RSPO2: variants seen among roughly 807,000 people sequenced by gnomAD.
The protein encoded by RSPO2 is R-spondin-2.
Under a neutral mutation model 30.9 loss-of-function variants are expected in RSPO2, and 14 were observed. The ratio of observed to expected loss-of-function variants is 0.45; its 90% confidence interval spans 0.30 to 0.71. The LOEUF is 0.71. Among genes scored for constraint, RSPO2 ranks in the 30% least tolerant of loss-of-function variants. The pLI, the probability that RSPO2 is intolerant of heterozygous loss-of-function variation, is 0.08. For synonymous variants in RSPO2, 107 were observed against 96.4 expected, an observed-to-expected ratio of 1.11 and a Z score of -0.64; for missense variants, 264 against 301.9, an observed-to-expected ratio of 0.87 and a Z score of 0.93.
At chr8:107,914,370 CA>C (rs35045125) in intron 5 of RSPO2, among the ~76,000 whole-genome samples, 2 of 150,746 alleles carry the variant, frequency 1.3e-5, no homozygotes, top group Admixed American at 6.6e-5. Context: ...ATAAGAGTTC[CA>C]AAAAATGAAA....
intron 5 of RSPO2, among the ~76,000 whole-genome samples, chr8:107,904,066 CA>C (rs1216042135): frequency 2.0e-5 from 3 of 151,848 alleles, no homozygotes; most frequent in African/African-American, 7.2e-5. Flanking sequence ...TTAAAGCTAA[CA>C]AAAAAATCCT....
chr8:107,917,304 G>A (rs1241874387), intron 5 of RSPO2, among the ~76,000 whole-genome samples: 2 of 152,048 alleles, frequency 1.3e-5, no homozygotes, highest in African/African-American at 4.8e-5. Context: ...GGCCAACATG[G>A]TGAAACCCCA....
intron 3 of RSPO2, among the ~76,000 whole-genome samples, chr8:107,970,574 A>G (rs1438654979): frequency 6.6e-6 from 1 of 152,234 alleles, no homozygotes; most frequent in Non-Finnish European, 1.5e-5. Flanking sequence ...CAAATATCAG[A>G]TAAGCATGAG....
intron 1 of RSPO2, 167 bp from the exon 2 acceptor site, chr8:108,082,974 C>T (rs911217982): frequency 7.1e-6 from 2 of 281,642 alleles, no homozygotes; most frequent in African/African-American, 2.2e-5. Flanking sequence ...CAGCTGCGGA[C>T]GAGTTGGAGA....
intron 5 of RSPO2, among the ~76,000 whole-genome samples, chr8:107,909,677 A>C (rs1408071023): frequency 6.6e-6 from 1 of 152,194 alleles, no homozygotes; most frequent in Non-Finnish European, 1.5e-5. Context: ...AAAGTCATTG[A>C]CCTCATCCTA....
At chr8:107,940,065 C>T (rs770311069) in intron 5 of RSPO2, among the ~76,000 whole-genome samples, 2 of 152,072 alleles carry the variant, frequency 1.3e-5, no homozygotes, top group Non-Finnish European at 2.9e-5. Context: ...ATTATACTAT[C>T]ATCATCAATT....
intron 5 of RSPO2, among the ~76,000 whole-genome samples, chr8:107,925,554 C>A (rs923260257): frequency 2.0e-5 from 3 of 151,974 alleles, no homozygotes; most frequent in Non-Finnish European, 4.4e-5. Flanking sequence ...TCCCTCCCCC[C>A]TCCTCCCACC....
At position 108,082,474 on chromosome 8, in the gene RSPO2, A is replaced by G. The variant is rs1813235851; in HGVS notation, c.94+71T>C. The G allele has an allele frequency of 5.0e-6, 6 of 1,204,994 alleles. No individual in the cohort carries two copies. The East Asian group carries it at 1.4e-4, about 28-fold the overall frequency. 74.6% of individuals were successfully genotyped at this position (1,204,994 alleles called of 1,614,324 possible). A position where few individuals can be genotyped will look rare whatever the true frequency, so the allele number is the denominator to read the frequency against. On this transcript the variant is annotated intron_variant, in intron 2 of 5. Transcript: ENST00000276659. ...CCTGACCATCTGAGCCCCCGGAGCC[A>G]GGGCGTGAGTGAGCGCCTCCACACG...
chr8:107,926,862 T>C (rs994560404), intron 5 of RSPO2, among the ~76,000 whole-genome samples: 1 of 152,220 alleles, frequency 6.6e-6, no homozygotes, highest in African/African-American at 2.4e-5. Flanking sequence ...TGGCTTAGGA[T>C]TGACTTAGCA....
intron 2 of RSPO2, among the ~76,000 whole-genome samples, chr8:107,989,764 T>C (rs551489310): frequency 3.3e-5 from 5 of 152,276 alleles, no homozygotes; most frequent in African/African-American, 1.2e-4. Flanking sequence ...AAATTATCAT[T>C]GTAGCATGGG....
intron 2 of RSPO2, among the ~76,000 whole-genome samples, chr8:108,012,236 T>G (rs1810730789): frequency 6.6e-6 from 1 of 152,236 alleles, no homozygotes; most frequent in South Asian, 2.1e-4. Context: ...CTTTAAAGTC[T>G]TGCTATACAA....
intron 5 of RSPO2, among the ~76,000 whole-genome samples, chr8:107,937,924 C>T (rs1812772339): frequency 6.6e-6 from 1 of 152,072 alleles, no homozygotes; most frequent in African/African-American, 2.4e-5. Context: ...TGCTCATATA[C>T]ACACACTGAA....
chr8:108,065,126 G>A (rs1367937317), intron 2 of RSPO2, among the ~76,000 whole-genome samples: 2 of 151,440 alleles, frequency 1.3e-5, no homozygotes, highest in Admixed American at 6.6e-5. Context: ...CATATGTAAC[G>A]AACCTGCGCA....
At chr8:108,063,871 G>A (rs925298634) in intron 2 of RSPO2, among the ~76,000 whole-genome samples, 3 of 152,100 alleles carry the variant, frequency 2.0e-5, no homozygotes, top group Admixed American at 6.6e-5. Flanking sequence ...CAGAAATAAT[G>A]CCACACATCT....
intron 3 of RSPO2, among the ~76,000 whole-genome samples, chr8:107,985,368 ATAGAAC>A (rs1814586935): frequency 6.6e-6 from 1 of 152,204 alleles, no homozygotes; most frequent in Non-Finnish European, 1.5e-5. Context: ...GATATTTTTC[ATAGAAC>A]TGCTTATAAT....
At chr8:107,956,547 A>G (rs1322372646) in intron 5 of RSPO2, among the ~76,000 whole-genome samples, 1 of 152,232 alleles carries the variant, frequency 6.6e-6, no homozygotes, top group Non-Finnish European at 1.5e-5. Flanking sequence ...TCTAGCTGTA[A>G]TCTAGAAAAT....
chr8:108,019,360 A>T (rs1163785175), intron 2 of RSPO2, among the ~76,000 whole-genome samples: 1 of 152,112 alleles, frequency 6.6e-6, no homozygotes, highest in Non-Finnish European at 1.5e-5. Context: ...ACTCAAAAAA[A>T]TAATAATAAA....
intron 3 of RSPO2, chr8:107,984,113 C>T (rs1814544713): frequency 2.2e-6 from 1 of 459,716 alleles, no homozygotes. Flanking sequence ...ATTGCCAGGA[C>T]TTGGGAAACA....
In RSPO2 at chr8:107,902,047, C is replaced by T. The variant is rs571701910; in HGVS notation, c.617-857G>A. 6.8e-4 allele frequency among the ~76,000 whole-genome samples: 103 copies of T among 152,238 alleles called. 1 individual carries two copies. Among genetic ancestry groups the T allele is most frequent in the Non-Finnish European group, 1.3e-3 (88 of 68,002 alleles). On this transcript the variant is annotated intron_variant, in intron 5 of 5. Coordinates refer to ENST00000276659, the MANE Select transcript of RSPO2 (RefSeq NM_178565.5). ...ACAGTCTTACTTTATAAGGTCTCAA[C>T]CTTTGTACACATAAGATTTTGAGAA...
Sources: gnomAD v4.1 joint callset for allele counts (sites outside exome capture counted in the v4.1 genomes callset) on GRCh38, gnomAD v4.1.1 for gene constraint, MANE v1.5 for transcripts, NCBI Gene and HGNC (gene_info 2026-07-23, HGNC 2026-07-21) for gene names.